The following MICALL2 variants were observed in gnomAD, a reference collection of about 807,000 sequenced individuals.
The protein encoded by MICALL2 is MICAL like 2.
A neutral mutation model predicts 91.1 loss-of-function variants in MICALL2; 111 were observed. That is an observed-to-expected ratio of 1.22 (90% CI 1.04 to 1.43). The LOEUF (loss-of-function observed/expected upper bound fraction) is 1.43, where lower values mean the gene tolerates loss of function less well. MICALL2 is among the 40% of genes most tolerant of loss of function. The pLI is 0.00. For synonymous variants in MICALL2, 694 were observed against 525.3 expected, an observed-to-expected ratio of 1.32 and a Z score of -4.39; for missense variants, 1,556 against 1,236.0, an observed-to-expected ratio of 1.26 and a Z score of -3.88.
Position 1,437,933 on chromosome 7 carries a change from C to T in MICALL2, c.2359G>A (p.Glu787Lys), listed in dbSNP as rs535681449. The change falls in exon 13 of 17, where the codon GAG becomes AAG. Residue 787 changes from glutamate to lysine, a missense_variant. Coordinates refer to ENST00000297508, the MANE Select transcript of MICALL2 (RefSeq NM_182924.4). The part of the protein sequence containing the change: ...LMVDWFWLIH[E>K]KQLLLRQESE... ...TCCTGTCTCAGCAGAAGCTGCTTCT[C>T]GTGAATGAGCCAGAACCAGTCCACC... The T allele has an allele frequency of 4.5e-6, 7 of 1,549,702 alleles. No homozygotes were observed. Among genetic ancestry groups the T allele is most frequent in the Admixed American group, 2.0e-5 (1 of 51,038 alleles).
chr7:1,436,781 C>T lies in MICALL2; in HGVS notation c.2552G>A (p.Arg851His), dbSNP rs748412801. Reference protein sequence around the residue: ...LEQYVSTVNDRSDIVDSLDED... With the variant: ...LEQYVSTVNDHSDIVDSLDED... Reference sequence around the variant, plus strand: ...GTCCAGCGAGTCCACGATGTCACTGCGGTCGTTCACGGTGCTCACGTACTG... The same window carrying T: ...GTCCAGCGAGTCCACGATGTCACTGTGGTCGTTCACGGTGCTCACGTACTG... The change falls in exon 15 of 17, where the codon CGC becomes CAC. Residue 851 changes from arginine (R) to histidine (H), a missense_variant. Transcript: ENST00000297508. 1.4e-5 allele frequency: 22 copies of T among 1,608,488 alleles called. No homozygotes were observed. The highest frequency in any genetic ancestry group is 1.9e-5 in the Non-Finnish European group (22 of 1,178,458).
chr7:1,444,716 C>A lies in MICALL2; in HGVS notation c.1354G>T (p.Ala452Ser), dbSNP rs779384558. 6 of 1,612,438 alleles carry A rather than the reference C, an allele frequency of 3.7e-6. No homozygotes were observed. In the South Asian group the frequency reaches 6.6e-5, roughly 18 times the overall value. Residue 452 changes from alanine to serine, a missense_variant, in exon 6 of 17, where the codon GCG (alanine) becomes TCG (serine). By Grantham distance (99) the Ala-to-Ser change is moderately conservative. Coordinates refer to ENST00000297508, the MANE Select transcript of MICALL2 (RefSeq NM_182924.4). The part of the protein sequence containing the change: ...VLSKDSSKEQ[A>S]RNFLKQALSA... Reference sequence around the variant, plus strand: ...AGGGCCTGCTTGAGGAAGTTCCGCGCCTGCTCCTTGCTGCTGTCCTTGGAT... The same window carrying A: ...AGGGCCTGCTTGAGGAAGTTCCGCGACTGCTCCTTGCTGCTGTCCTTGGAT...
chr7:1,457,281 G>T (rs772518083), intron 1 of MICALL2, among the ~76,000 whole-genome samples: 7 of 152,208 alleles, frequency 4.6e-5, no homozygotes, highest in Admixed American at 1.3e-4. Context: ...CAGGGGTGCA[G>T]CAGTGAACAA....
At chr7:1,454,916 C>G (rs1047709690) in intron 1 of MICALL2, among the ~76,000 whole-genome samples, 5 of 152,228 alleles carry the variant, frequency 3.3e-5, no homozygotes, top group African/African-American at 1.2e-4. Flanking sequence ...TGGCCCAGCC[C>G]TGAGCCCGCC....
chr7:1,438,461 C>T (rs755082425), intron 10 of MICALL2, 108 bp from the exon 11 acceptor site: 367 of 1,497,976 alleles, frequency 2.4e-4, no homozygotes, highest in Non-Finnish European at 3.2e-4. Flanking sequence ...CTGGCCCCAG[C>T]CCTGCCTCCC....
intron 1 of MICALL2, among the ~76,000 whole-genome samples, chr7:1,458,180 G>A (rs1345369717): frequency 6.6e-6 from 1 of 152,188 alleles, no homozygotes; most frequent in East Asian, 1.9e-4. Flanking sequence ...AGGGGCACAG[G>A]GGAGGAGCCC....
In MICALL2 at chr7:1,438,348, G is replaced by C. The variant is rs190563477; in HGVS notation, c.2128C>G (p.Pro710Ala). The C allele has an allele frequency of 6.2e-7, 1 of 1,602,140 alleles. No individual in the cohort carries two copies. Among genetic ancestry groups the C allele is most frequent in the Non-Finnish European group, 8.5e-7 (1 of 1,175,786 alleles). Reference sequence around the variant, plus strand: ...GCAGGGACATTGGCCGGGGACAAGGGTCTCCCTGGAGAAGGAGCAGGGTGA... The same window carrying C: ...GCAGGGACATTGGCCGGGGACAAGGCTCTCCCTGGAGAAGGAGCAGGGTGA... ...KPHLQGKPGR[P>A]LSPANVPALP... The change falls in exon 11 of 17, where the codon CCC becomes GCC. Residue 710 changes from proline to alanine, a missense_variant. Coordinates refer to ENST00000297508, the MANE Select transcript of MICALL2 (RefSeq NM_182924.4).
At chr7:1,449,999 C>T (rs2128524365) in intron 2 of MICALL2, among the ~76,000 whole-genome samples, 1 of 152,200 alleles carries the variant, frequency 6.6e-6, no homozygotes, top group African/African-American at 2.4e-5. Context: ...GCACCTTGCT[C>T]CCCAGCTCAG....
intron 1 of MICALL2, among the ~76,000 whole-genome samples, chr7:1,455,305 G>C (rs1780973518): frequency 6.6e-6 from 1 of 152,180 alleles, no homozygotes; most frequent in Admixed American, 6.5e-5. Context: ...GGGGCTGTTT[G>C]TTCTGGGTGG....
At position 1,452,480 on chromosome 7, in the gene MICALL2, A is replaced by C. The variant is rs62435326; in HGVS notation, c.144-2192T>G. ...TCAAGCTCTTCTGCAGACCTTCCCT[A>C]GGGTCACTGACCAAAGCGGCCATGT... On this transcript the variant is annotated intron_variant, in intron 1 of 16. Coordinates refer to ENST00000297508, the MANE Select transcript of MICALL2 (RefSeq NM_182924.4). This position sits in a 1 kb window ranked among gnomAD's most constrained non-coding sequence, Gnocchi z 6.2. 0.011 allele frequency among the ~76,000 whole-genome samples: 1,642 copies of C among 152,106 alleles called. 12 individuals are homozygous for C. Among genetic ancestry groups the C allele is most frequent in the Non-Finnish European group, 0.015 (1,033 of 67,972 alleles).
intron 1 of MICALL2, 75 bp downstream of exon 1, chr7:1,459,109 G>T: frequency 6.9e-7 from 1 of 1,455,980 alleles, no homozygotes; most frequent in East Asian, 2.6e-5. Context: ...CCAGCCGCCC[G>T]GGCCTCAGTT....
At position 1,456,149 on chromosome 7, in the gene MICALL2, G is replaced by A. The variant is rs543491063; in HGVS notation, c.143+3035C>T. ...GTCCAAAGAGCCAGGGGCCAGGCGCGGCGGCTCACATCTGTAATCCCAGCG... is the reference window on the plus strand; with the variant it reads ...GTCCAAAGAGCCAGGGGCCAGGCGCAGCGGCTCACATCTGTAATCCCAGCG... On this transcript the variant is annotated intron_variant, in intron 1 of 16. Transcript: ENST00000297508. 7.9e-5 allele frequency among the ~76,000 whole-genome samples: 12 copies of A among 152,044 alleles called. 1 individual carries two copies. Among genetic ancestry groups the A allele is most frequent in the Admixed American group, 2.6e-4 (4 of 15,270 alleles).
chr7:1,450,811 C>G (rs549216754), intron 1 of MICALL2, among the ~76,000 whole-genome samples: 36 of 148,740 alleles, frequency 2.4e-4, no homozygotes, highest in African/African-American at 8.9e-4. Flanking sequence ...GGATCCACCT[C>G]GTCCCACACA....
At chr7:1,453,565 CT>C (rs765186051) in intron 1 of MICALL2, among the ~76,000 whole-genome samples, 5 of 152,174 alleles carry the variant, frequency 3.3e-5, no homozygotes, top group Non-Finnish European at 7.3e-5. Flanking sequence ...GTGGACACCC[CT>C]GTCCTTGCCG....
chr7:1,458,766 C>G (rs989954877), intron 1 of MICALL2, among the ~76,000 whole-genome samples: 1 of 152,248 alleles, frequency 6.6e-6, no homozygotes, highest in East Asian at 1.9e-4. Flanking sequence ...CACATCCCCC[C>G]AGGGGCCTGA....
At position 1,438,915 on chromosome 7, in the gene MICALL2, C is replaced by T. The variant is rs1211377560; in HGVS notation, c.2047G>A (p.Glu683Lys). 5 of 1,608,962 alleles carry T rather than the reference C, an allele frequency of 3.1e-6. No individual in the cohort carries two copies. The South Asian group carries it at 5.5e-5, about 18-fold the overall frequency. Reference protein sequence around the residue: ...LDVCDNWLRPEPPGQEARVQS... With the variant: ...LDVCDNWLRPKPPGQEARVQS... ...ACTCGGGCTTCCTGGCCAGGGGGCT[C>T]CGGCCGAAGCCAGTTGTCACAAACG... Residue 683 changes from glutamate to lysine, a missense_variant, in exon 10 of 17, where the codon GAG becomes AAG. Physicochemically the swap from Glu to Lys is moderately conservative, Grantham distance 56. Transcript: ENST00000297508.
intron 5 of MICALL2, among the ~76,000 whole-genome samples, chr7:1,446,358 GAGAGGAGGGGGGAGGAGGA>G (rs1368038047): frequency 0.23 from 51 of 226 alleles, 7 homozygotes; most frequent in East Asian, 0.5. Flanking sequence ...GGGGAGGAGG[GAGAGGAGGGGGGAGGAGGA>G]AGAGAAGGGG....
At chr7:1,441,915 C>T (rs761458285) in intron 7 of MICALL2, 31 of 506,782 alleles carry the variant, frequency 6.1e-5, no homozygotes, top group Middle Eastern at 5.3e-4. Context: ...CTGAGCGGGA[C>T]GCTGCAGGGC....
intron 2 of MICALL2, 90 bp downstream of exon 2, chr7:1,450,150 G>A: frequency 1.0e-6 from 1 of 995,592 alleles, no homozygotes; most frequent in Middle Eastern, 3.1e-4. Context: ...CAGGTGCAGG[G>A]CCTGGGGGGA....
Sources: gnomAD v4.1 joint callset for allele counts (sites outside exome capture counted in the v4.1 genomes callset) on GRCh38, gnomAD v4.1.1 for gene constraint, Gnocchi (gnomAD v3.1) non-coding constraint, MANE v1.5 for transcripts, NCBI Gene and HGNC (gene_info 2026-07-23, HGNC 2026-07-21) for gene names.